Variants in HAO2 observed in about 807,000 individuals in gnomAD.
The protein encoded by HAO2 is hydroxyacid oxidase 2.
HAO2 carries 42 observed loss-of-function variants against 37.4 expected under a neutral mutation model. The ratio of observed to expected loss-of-function variants is 1.12; its 90% CI spans 0.88 to 1.45. The LOEUF is 1.45. HAO2 is among the 40% of genes most tolerant of loss of function. HAO2 has a pLI of 0.00. For synonymous variants in HAO2, 180 were observed against 162.8 expected, an observed-to-expected ratio of 1.11 and a Z score of -0.81; for missense variants, 476 against 430.2, an observed-to-expected ratio of 1.11 and a Z score of -0.94.
chr1:119,369,645 T>C (rs1365400689), intron 1 of HAO2, among the ~76,000 whole-genome samples: 1 of 152,224 alleles, frequency 6.6e-6, no homozygotes, highest in Non-Finnish European at 1.5e-5. Context: ...TAGACAGTAA[T>C]AACCTAATTT....
chr1:119,372,087 T>C (rs1649080635), intron 1 of HAO2, among the ~76,000 whole-genome samples: 2 of 152,232 alleles, frequency 1.3e-5, no homozygotes, highest in Admixed American at 1.3e-4. Context: ...AAAATAGCGG[T>C]TGGATTCCCA....
rs760482266 is a variant in HAO2 at position 119,384,895 on chromosome 1, C to G, written c.403C>G (p.Leu135Val). 1.2e-6 allele frequency: 2 copies of G among 1,614,010 alleles called. No homozygotes were observed. Among genetic ancestry groups the G allele is most frequent in the Non-Finnish European group, 8.5e-7 (1 of 1,179,870 alleles). ...RWFQLYVHPD[L>V]QLNKQLIQRV... ...GTTCCAACTCTATGTGCATCCAGACCTGCAGCTGAACAAACAGTTGATCCA... is the reference window on the plus strand; with the variant it reads ...GTTCCAACTCTATGTGCATCCAGACGTGCAGCTGAACAAACAGTTGATCCA... Residue 135 changes from leucine to valine, a missense_variant, in exon 4 of 8, where the codon CTG becomes GTG. Leu to Val is a conservative substitution (Grantham distance 32). Transcript: ENST00000325945.
chr1:119,385,598 T>C (rs1198404113), intron 4 of HAO2: 2 of 984,802 alleles, frequency 2.0e-6, no homozygotes, highest in Non-Finnish European at 2.4e-6. Flanking sequence ...CTATAGCACA[T>C]TTGTTTGTAA....
intron 5 of HAO2, among the ~76,000 whole-genome samples, chr1:119,387,957 T>C (rs1650517537): frequency 6.6e-6 from 1 of 152,166 alleles, no homozygotes; most frequent in African/African-American, 2.4e-5. Flanking sequence ...CCTCCTCCTC[T>C]GCACCAGCTC....
chr1:119,378,325 G>A (rs1349077838), intron 1 of HAO2, among the ~76,000 whole-genome samples: 1 of 152,078 alleles, frequency 6.6e-6, no homozygotes, highest in Non-Finnish European at 1.5e-5. Flanking sequence ...CCAGCCCCAT[G>A]ATTCAATTAC....
At chr1:119,379,627 C>G (rs776939470) in intron 1 of HAO2, among the ~76,000 whole-genome samples, 14 of 152,202 alleles carry the variant, frequency 9.2e-5, no homozygotes, top group African/African-American at 2.9e-4. Flanking sequence ...AACTCCATAC[C>G]TCAATGTTCT....
intron 4 of HAO2, chr1:119,385,786 A>G: frequency 1.0e-6 from 1 of 985,342 alleles, no homozygotes; most frequent in South Asian, 4.7e-5. Flanking sequence ...AAGTAACTCA[A>G]CAGTTCTCAT....
chr1:119,385,721 A>G, intron 4 of HAO2: 4 of 985,406 alleles, frequency 4.1e-6, no homozygotes, highest in African/African-American at 1.7e-5. Flanking sequence ...CCCTGGCTAT[A>G]GTAGAGATAC....
intron 1 of HAO2, among the ~76,000 whole-genome samples, chr1:119,374,127 G>A (rs1557841706): frequency 6.6e-6 from 1 of 152,212 alleles, no homozygotes; most frequent in Non-Finnish European, 1.5e-5. Flanking sequence ...CTGACCTGCT[G>A]TTCCTGGGCA....
At chr1:119,383,353 T>C (rs1570775717) in intron 3 of HAO2, among the ~76,000 whole-genome samples, 1 of 152,234 alleles carries the variant, frequency 6.6e-6, no homozygotes, top group East Asian at 1.9e-4. Flanking sequence ...CTGGCCCTTC[T>C]GGCTCACACC....
intron 6 of HAO2, 53 bp downstream of exon 6, chr1:119,392,321 C>T (rs941110538): frequency 3.0e-5 from 41 of 1,381,264 alleles, no homozygotes; most frequent in Non-Finnish European, 3.7e-5. Flanking sequence ...TCATTCATTT[C>T]TGTGCTTTCC....
intron 3 of HAO2, among the ~76,000 whole-genome samples, chr1:119,383,858 C>A (rs1308103755): frequency 3.9e-5 from 6 of 152,084 alleles, no homozygotes; most frequent in Non-Finnish European, 7.4e-5. Context: ...TGACATCCAT[C>A]TTGATGGGGT....
At chr1:119,370,557 T>C (rs778639565) in intron 1 of HAO2, among the ~76,000 whole-genome samples, 9 of 152,304 alleles carry the variant, frequency 5.9e-5, no homozygotes, top group South Asian at 2.1e-4. Context: ...CCCTATGGGA[T>C]GGATGTTAAT....
chr1:119,382,234 T>C (rs1292398023), intron 2 of HAO2, among the ~76,000 whole-genome samples: 1 of 152,198 alleles, frequency 6.6e-6, no homozygotes, highest in Non-Finnish European at 1.5e-5. Flanking sequence ...ATTTGCACAA[T>C]TAAGAATTTT....
intron 5 of HAO2, among the ~76,000 whole-genome samples, chr1:119,389,040 C>T (rs1650609833): frequency 6.9e-6 from 1 of 145,962 alleles, no homozygotes; most frequent in Non-Finnish European, 1.5e-5. Flanking sequence ...GTTTTCCATT[C>T]CTGAATTACT....
intron 2 of HAO2, 62 bp from the exon 3 acceptor site, chr1:119,382,853 A>G: frequency 6.6e-7 from 1 of 1,524,376 alleles, no homozygotes; most frequent in East Asian, 2.3e-5. Flanking sequence ...TCCACCCCAG[A>G]CAACGCCTCC....
At chr1:119,379,131 A>T (rs1293254670) in intron 1 of HAO2, among the ~76,000 whole-genome samples, 1 of 152,160 alleles carries the variant, frequency 6.6e-6, no homozygotes, top group Non-Finnish European at 1.5e-5. Context: ...GGATGCAGTT[A>T]ATTCCCCCAG....
chr1:119,374,765 A>T (rs1306040646), intron 1 of HAO2, among the ~76,000 whole-genome samples: 1 of 152,258 alleles, frequency 6.6e-6, no homozygotes, highest in Non-Finnish European at 1.5e-5. Flanking sequence ...TATGAATCAT[A>T]CAAAATCTTC....
At chr1:119,376,204 C>T (rs58516954) in intron 1 of HAO2, among the ~76,000 whole-genome samples, 3 of 152,032 alleles carry the variant, frequency 2.0e-5, no homozygotes, top group South Asian at 2.1e-4. Context: ...GGGTAAATAC[C>T]GCCATTCCAA....
Sources: allele counts gnomAD v4.1 joint callset (sites outside exome capture counted in the v4.1 genomes callset), GRCh38; gene constraint gnomAD v4.1.1; transcripts MANE v1.5; gene names NCBI Gene and HGNC (gene_info 2026-07-23, HGNC 2026-07-21).